GLRA2: variants seen among roughly 807,000 people sequenced by gnomAD.
The protein encoded by GLRA2 is glycine receptor subunit alpha-2.
A neutral mutation model predicts 31.6 loss-of-function variants in GLRA2; 11 were observed. The ratio of observed to expected loss-of-function variants is 0.35; its 90% CI spans 0.22 to 0.58. The LOEUF (loss-of-function observed/expected upper bound fraction) is 0.58. Ranked by LOEUF, GLRA2 falls within the 20% of genes least tolerant of loss-of-function variation. The pLI, the probability that GLRA2 is intolerant of heterozygous loss-of-function variation, is 0.84. For synonymous variants in GLRA2, 132 were observed against 134.0 expected (o/e 0.99, Z 0.10); for missense variants, 212 against 351.8 (o/e 0.60, Z 3.18).
chrX:14,568,218 C>T (rs2089831838), intron 2 of GLRA2, among the ~76,000 whole-genome samples: 1 of 112,148 alleles, frequency 8.9e-6, no homozygotes, highest in Non-Finnish European at 1.9e-5. Context: ...CAATTCCTAA[C>T]TTCAAAACTT....
chrX:14,567,717 C>T (rs55972478), intron 2 of GLRA2, among the ~76,000 whole-genome samples: 46 of 111,956 alleles, frequency 4.1e-4, no homozygotes, highest in African/African-American at 1.4e-3. Context: ...CACAGTCCTA[C>T]GTATAGAAAA....
chrX:14,475,719 T>C, the GLRA2 span, among the ~76,000 whole-genome samples: 1 of 111,212 alleles, frequency 9.0e-6, no homozygotes, highest in Non-Finnish European at 1.9e-5. Flanking sequence ...CACACATATA[T>C]GTAAAGACAG....
At chrX:14,511,196 T>C in the GLRA2 span, among the ~76,000 whole-genome samples, 1 of 112,370 alleles carries the variant, frequency 8.9e-6, no homozygotes, top group African/African-American at 3.2e-5. Flanking sequence ...TGGCCTTATC[T>C]TTAAGGCTTT....
At chrX:14,534,506 A>G (rs1300166414) in intron 2 of GLRA2, among the ~76,000 whole-genome samples, 2 of 110,804 alleles carry the variant, frequency 1.8e-5, no homozygotes, top group African/African-American at 6.5e-5. Flanking sequence ...CCATTATTTT[A>G]GACTACAATA....
At chrX:14,457,017 A>G in the GLRA2 span, among the ~76,000 whole-genome samples, 6 of 111,586 alleles carry the variant, frequency 5.4e-5, no homozygotes, top group Non-Finnish European at 1.1e-4. Context: ...CCTCACCAAC[A>G]TTTGTTATTT....
Position 14,622,786 on chromosome X carries a change from G to T in GLRA2, c.930+13581G>T, listed in dbSNP as rs373145880. ...GTAGTATAGTTTGAAGTCAGGTAGC[G>T]TGATGCCTCCAGCTTTACTCTTTTT... On this transcript the variant is annotated intron_variant, in intron 7 of 8. Coordinates refer to ENST00000218075, the MANE Select transcript of GLRA2 (RefSeq NM_002063.4). Among the ~76,000 whole-genome samples, 4 of 111,732 alleles carry T rather than the reference G, an allele frequency of 3.6e-5. No homozygotes were observed. The South Asian group carries it at 1.5e-3, about 42-fold the overall frequency.
At chrX:14,454,157 AAC>A in the GLRA2 span, among the ~76,000 whole-genome samples, 2 of 83,329 alleles carry the variant, frequency 2.4e-5, no homozygotes, top group African/African-American at 9.5e-5. Context: ...TATAGAACTA[AAC>A]ACACCCACAC....
chrX:14,716,044 T>C (rs1425136118), intron 8 of GLRA2, among the ~76,000 whole-genome samples: 1 of 111,593 alleles, frequency 9.0e-6, no homozygotes, highest in South Asian at 3.7e-4. Flanking sequence ...CTGGGCACTG[T>C]GTGACTGTAT....
the GLRA2 span, among the ~76,000 whole-genome samples, chrX:14,459,943 T>C: frequency 8.9e-6 from 1 of 112,144 alleles, no homozygotes; most frequent in Admixed American, 9.5e-5. Flanking sequence ...CATCCCTGTC[T>C]TGTGCCAGTT....
intron 2 of GLRA2, among the ~76,000 whole-genome samples, chrX:14,562,486 G>T (rs1183594939): frequency 9.0e-6 from 1 of 111,645 alleles, no homozygotes; most frequent in East Asian, 2.8e-4. Context: ...CTTTCTATAG[G>T]CTACCAGAAG....
the GLRA2 span, among the ~76,000 whole-genome samples, chrX:14,493,053 C>T: frequency 9.0e-6 from 1 of 111,148 alleles, no homozygotes; most frequent in Non-Finnish European, 1.9e-5. Flanking sequence ...TGACTTAATC[C>T]CTGCCTAAAG....
chrX:14,530,540 C>G (rs1253361555), intron 1 of GLRA2, among the ~76,000 whole-genome samples: 3 of 111,668 alleles, frequency 2.7e-5, no homozygotes, highest in Non-Finnish European at 5.7e-5. Context: ...ATCCCTAATT[C>G]TCAGCCAACT....
intron 7 of GLRA2, among the ~76,000 whole-genome samples, chrX:14,614,722 A>G (rs1303722259): frequency 8.9e-6 from 1 of 111,960 alleles, no homozygotes; most frequent in Non-Finnish European, 1.9e-5. Context: ...CTAAAGACAA[A>G]TGAGAGATTC....
At chrX:14,676,495 C>T (rs747719869) in intron 7 of GLRA2, among the ~76,000 whole-genome samples, 99 of 111,916 alleles carry the variant, frequency 8.8e-4, no homozygotes, top group African/African-American at 3.0e-3. Flanking sequence ...TGATTAGCTG[C>T]TGGAGGAATG....
intron 7 of GLRA2, among the ~76,000 whole-genome samples, chrX:14,627,035 A>G (rs773535900): frequency 1.8e-5 from 2 of 111,276 alleles, no homozygotes; most frequent in South Asian, 3.8e-4. Flanking sequence ...GTAATGTTCT[A>G]TCTCTTGACC....
chrX:14,497,245 AGAG>A, the GLRA2 span, among the ~76,000 whole-genome samples: 1 of 111,966 alleles, frequency 8.9e-6, no homozygotes, highest in Non-Finnish European at 1.9e-5. Flanking sequence ...GGGTCAAGAT[AGAG>A]AAGAGAAATC....
intron 7 of GLRA2, among the ~76,000 whole-genome samples, chrX:14,665,070 C>T (rs1264184888): frequency 8.9e-6 from 1 of 111,765 alleles, no homozygotes; most frequent in Non-Finnish European, 1.9e-5. Flanking sequence ...GAAGACACCA[C>T]TAATCTCATA....
chrX:14,470,762 T>C, the GLRA2 span, among the ~76,000 whole-genome samples: 1 of 111,955 alleles, frequency 8.9e-6, no homozygotes, highest in African/African-American at 3.2e-5. Context: ...TCTTTTTTCT[T>C]TTAAAATGAG....
intron 7 of GLRA2, among the ~76,000 whole-genome samples, chrX:14,686,713 G>A (rs1008202974): frequency 2.7e-5 from 3 of 111,275 alleles, no homozygotes; most frequent in African/African-American, 9.8e-5. Flanking sequence ...GTGTGTCTCT[G>A]CATGTGAGAT....
Sources: allele counts gnomAD v4.1 joint callset (sites outside exome capture counted in the v4.1 genomes callset), GRCh38; gene constraint gnomAD v4.1.1; transcripts MANE v1.5; gene names NCBI Gene and HGNC (gene_info 2026-07-23, HGNC 2026-07-21).